Variants in ILDR1 observed in about 807,000 individuals in gnomAD.
ILDR1 encodes immunoglobulin like domain containing receptor 1.
ILDR1 carries 56 observed loss-of-function variants against 62.4 expected under a neutral mutation model. The observed-to-expected ratio is 0.90, with a 90% CI of 0.72 to 1.12. The LOEUF (loss-of-function observed/expected upper bound fraction) is 1.12, where lower values mean the gene tolerates loss of function less well. Ranked by LOEUF, ILDR1 falls within the 50% of genes most tolerant of loss-of-function variation. The pLI is 0.00. For synonymous variants in ILDR1, 284 were observed against 277.8 expected (o/e 1.02, Z -0.22); for missense variants, 736 against 710.6 (o/e 1.04, Z -0.41).
rs1435670983 is a variant in ILDR1, at chr3:121,994,241, C to A, written c.719G>T (p.Trp240Leu). The A allele has an allele frequency of 2.6e-6, 4 of 1,535,998 alleles. No homozygotes were observed. Among genetic ancestry groups the A allele is most frequent in the East Asian group, 2.4e-5 (1 of 40,930 alleles). ...AACCTGGGAGCTCCTGTCCGCCCCC[C>A]AGTACAGGGGTTTTCCCATCATCTG... The part of the protein sequence containing the change: ...GPQMMGKPLY[W>L]GADRSSQVSS... The change falls in exon 6 of 8, where the codon TGG (tryptophan) becomes TTG (leucine). Residue 240 changes from tryptophan (W) to leucine (L), a missense_variant. Physicochemically the swap from Trp to Leu is moderately conservative, Grantham distance 61. Transcript: ENST00000344209.
the ILDR1 span, among the ~76,000 whole-genome samples, chr3:122,037,815 G>C: frequency 5.9e-5 from 9 of 152,250 alleles, no homozygotes; most frequent in South Asian, 2.1e-4. Context: ...TGGAGGAGAG[G>C]CCTGATGGGA....
the ILDR1 span, chr3:122,055,614 G>A: frequency 3.1e-6 from 3 of 973,078 alleles, no homozygotes; most frequent in East Asian, 2.4e-5. Context: ...TTCCTAAGTG[G>A]AGAAGCTTTC....
Position 122,007,029 on chromosome 3 carries a change from G to C in ILDR1, c.191C>G (p.Ser64Cys). The change falls in exon 2 of 8, where the codon TCC (serine) becomes TGC (cysteine). Residue 64 changes from serine (S) to cysteine (C), a missense_variant. Coordinates refer to ENST00000344209, the MANE Select transcript of ILDR1 (RefSeq NM_001199799.2). ...GTCAAAGATAGGGTCCTTGCAGAAG[G>C]ACTTGAAGCGCCATGTCACCACCAC... ...QDVVVTWRFK[S>C]FCKDPIFDYY... is the part of the protein sequence containing the mutation. The C allele has an allele frequency of 6.2e-7, 1 of 1,613,640 alleles. No individual in the cohort carries two copies.
chr3:122,039,385 G>C, the ILDR1 span, among the ~76,000 whole-genome samples: 6,823 of 151,964 alleles, frequency 0.045, 215 homozygotes, highest in South Asian at 0.1. Flanking sequence ...GATATTACAC[G>C]TAGAGGAAAA....
the ILDR1 span, among the ~76,000 whole-genome samples, chr3:122,032,620 T>C: frequency 6.6e-6 from 1 of 152,216 alleles, no homozygotes. Flanking sequence ...CTTAGTGACT[T>C]GCTTCTAGTA....
intron 1 of ILDR1, among the ~76,000 whole-genome samples, chr3:122,008,622 C>A (rs2071654238): frequency 7.3e-6 from 1 of 136,776 alleles, no homozygotes; most frequent in African/African-American, 2.8e-5. Context: ...GAGATAGAGT[C>A]TCGCTCTGTC....
intron 1 of ILDR1, among the ~76,000 whole-genome samples, chr3:122,014,889 C>A (rs187991946): frequency 6.6e-6 from 1 of 152,302 alleles, no homozygotes; most frequent in African/African-American, 2.4e-5. Flanking sequence ...TGGGGTTTCC[C>A]AAAGTCATTC....
At chr3:122,041,332 GA>G in the ILDR1 span, among the ~76,000 whole-genome samples, 1 of 152,292 alleles carries the variant, frequency 6.6e-6, no homozygotes, top group South Asian at 2.1e-4. Context: ...TTATAAAAGT[GA>G]ATTAGGTCCC....
At chr3:122,028,023 T>A in the ILDR1 span, among the ~76,000 whole-genome samples, 4 of 152,150 alleles carry the variant, frequency 2.6e-5, no homozygotes, top group Non-Finnish European at 2.9e-5. Context: ...GTTCACTTGA[T>A]GTCCACCAAG....
intron 1 of ILDR1, among the ~76,000 whole-genome samples, chr3:122,019,678 G>A (rs942799200): frequency 1.3e-5 from 2 of 152,162 alleles, no homozygotes; most frequent in Non-Finnish European, 2.9e-5. Context: ...AGACTCCCTG[G>A]CCTCAGAAGC....
the ILDR1 span, among the ~76,000 whole-genome samples, chr3:122,035,055 G>GA: frequency 6.6e-6 from 1 of 152,036 alleles, no homozygotes; most frequent in African/African-American, 2.4e-5. Context: ...AGAAAAATTG[G>GA]AAAAAATTCT....
the ILDR1 span, among the ~76,000 whole-genome samples, chr3:122,045,828 G>T: frequency 2.0e-5 from 3 of 149,996 alleles, no homozygotes; most frequent in African/African-American, 7.3e-5. Context: ...ACGTGAGATG[G>T]GTTTCCTGAA....
the ILDR1 span, among the ~76,000 whole-genome samples, chr3:122,032,474 T>C: frequency 1.3e-5 from 2 of 152,242 alleles, no homozygotes; most frequent in Non-Finnish European, 2.9e-5. Flanking sequence ...CCATCCATTT[T>C]TGCTTCTATA....
At chr3:122,032,916 C>CCA in the ILDR1 span, among the ~76,000 whole-genome samples, 2 of 152,202 alleles carry the variant, frequency 1.3e-5, no homozygotes, top group South Asian at 4.1e-4. Flanking sequence ...ATGAGAGACA[C>CCA]TAAGTTAAAA....
intron 1 of ILDR1, among the ~76,000 whole-genome samples, chr3:122,020,676 G>A (rs78208967): frequency 2.6e-4 from 40 of 152,342 alleles, no homozygotes; most frequent in Non-Finnish European, 4.7e-4. Flanking sequence ...AGCCACAGGA[G>A]AGAAGACTGT....
At chr3:121,999,697 C>A (rs1472475525) in intron 5 of ILDR1, among the ~76,000 whole-genome samples, 1 of 152,116 alleles carries the variant, frequency 6.6e-6, no homozygotes, top group South Asian at 2.1e-4. Context: ...GACTAACAGA[C>A]CCCCTCTTGG....
chr3:122,044,661 G>C, the ILDR1 span, among the ~76,000 whole-genome samples: 15 of 151,068 alleles, frequency 9.9e-5, no homozygotes, highest in Non-Finnish European at 1.8e-4. Context: ...TGTATGTGTT[G>C]AGGAATTTAT....
In ILDR1 at chr3:121,994,446, G is replaced by A. The variant is rs2071408388; in HGVS notation, c.647-133C>T. 5 of 1,086,260 alleles carry A rather than the reference G, an allele frequency of 4.6e-6. No homozygotes were observed. The South Asian group carries it at 8.8e-5, about 19-fold the overall frequency. 67.3% of individuals were successfully genotyped at this position (1,086,260 alleles called of 1,614,324 possible). A position where few individuals can be genotyped will look rare whatever the true frequency, so the allele number is the denominator to read the frequency against. On this transcript the variant is annotated intron_variant, in intron 5 of 7. Coordinates refer to ENST00000344209, the MANE Select transcript of ILDR1 (RefSeq NM_001199799.2). ...CCATTCTCACCTATTTTGCATGGGAGTAAGGGTTAAGGGGGTAGTAAATTA... is the reference window on the plus strand; with the variant it reads ...CCATTCTCACCTATTTTGCATGGGAATAAGGGTTAAGGGGGTAGTAAATTA...
rs1204080120 is a variant in ILDR1, at chr3:121,987,628, T to C, written c.*739A>G. 4 of 152,730 alleles carry C rather than the reference T, an allele frequency of 2.6e-5. No individual in the cohort carries two copies. Among genetic ancestry groups the C allele is most frequent in the African/African-American group, 9.7e-5 (4 of 41,442 alleles). The allele number at this position is 152,730 out of a possible 1,614,324, so 9.5% of individuals were successfully genotyped here. ...CCTCAAGACATGCCATGGAGGAAGA[T>C]ACATTCCCATGGGAATGTCCCTATA... On this transcript the variant is annotated 3_prime_UTR_variant, in exon 8 of 8. Coordinates refer to ENST00000344209, the MANE Select transcript of ILDR1 (RefSeq NM_001199799.2).
Sources: gnomAD v4.1 joint callset for allele counts (sites outside exome capture counted in the v4.1 genomes callset) on GRCh38, gnomAD v4.1.1 for gene constraint, MANE v1.5 for transcripts, NCBI Gene and HGNC (gene_info 2026-07-23, HGNC 2026-07-21) for gene names.